Variants in CSMD1 observed in about 807,000 individuals in gnomAD.
CSMD1 encodes the protein CUB and sushi domain-containing protein 1.
Under a neutral mutation model 417.5 loss-of-function variants are expected in CSMD1, and 213 were observed. The observed-to-expected ratio is 0.51, with a 90% CI of 0.46 to 0.57. The LOEUF (loss-of-function observed/expected upper bound fraction) is 0.57, where lower values mean the gene tolerates loss of function less well. CSMD1 is among the 20% of genes least tolerant of loss of function. CSMD1 has a pLI of 0.00. For synonymous variants in CSMD1, 2,862 were observed against 1,736.8 expected, an observed-to-expected ratio of 1.65 and a Z score of -16.11; for missense variants, 6,923 against 4,529.7, an observed-to-expected ratio of 1.53 and a Z score of -15.17.
chr8:3,140,949 A>C (rs1045146033), intron 41 of CSMD1, among the ~76,000 whole-genome samples: 9 of 152,348 alleles, frequency 5.9e-5, no homozygotes, highest in African/African-American at 7.2e-5. Context: ...TTTTGTGGTG[A>C]AAGTTGAACA....
At chr8:4,908,071 T>A (rs960899689) in intron 1 of CSMD1, among the ~76,000 whole-genome samples, 2 of 152,174 alleles carry the variant, frequency 1.3e-5, no homozygotes, top group Admixed American at 1.3e-4. Flanking sequence ...TTTAAGGTGG[T>A]TTTCTTTCTC....
At chr8:4,318,780 A>AT (rs1409952533) in intron 3 of CSMD1, among the ~76,000 whole-genome samples, 4 of 151,550 alleles carry the variant, frequency 2.6e-5, no homozygotes, top group African/African-American at 9.7e-5. Context: ...ATATATTGGC[A>AT]TTGTATTTAC....
intron 1 of CSMD1, among the ~76,000 whole-genome samples, chr8:4,913,406 T>C (rs1045572950): frequency 3.3e-5 from 5 of 152,164 alleles, no homozygotes; most frequent in African/African-American, 9.7e-5. Flanking sequence ...TCCTAATTCC[T>C]AGTAAAGTGC....
At chr8:4,811,516 C>T (rs1192535129) in intron 1 of CSMD1, among the ~76,000 whole-genome samples, 1 of 152,012 alleles carries the variant, frequency 6.6e-6, no homozygotes, top group African/African-American at 2.4e-5. Context: ...CAATGTATTG[C>T]TGCCATAGAA....
At chr8:4,944,592 A>C (rs539082822) in intron 1 of CSMD1, among the ~76,000 whole-genome samples, 239 of 152,322 alleles carry the variant, frequency 1.6e-3, no homozygotes, top group Middle Eastern at 6.8e-3. Context: ...ACAAGAAATA[A>C]ATTGAAACAT....
chr8:3,243,332 C>T (rs1471716397), intron 26 of CSMD1, among the ~76,000 whole-genome samples: 1 of 152,140 alleles, frequency 6.6e-6, no homozygotes, highest in Non-Finnish European at 1.5e-5. Flanking sequence ...CACTCGCGTC[C>T]ATGTGAAGAC....
At position 3,169,416 on chromosome 8, in the gene CSMD1, C is replaced by CA. The variant is rs554850283; in HGVS notation, c.5726-7140dup. On this transcript the variant is annotated intron_variant, in intron 37 of 69. Transcript: ENST00000635120. ...GCTGCTAAGTGAAATAAGCCAGTATCAAAAAAAAGACAAATATTGTATGAT... is the reference window on the plus strand; with the variant it reads ...GCTGCTAAGTGAAATAAGCCAGTATCAAAAAAAAAGACAAATATTGTATGAT... Among the ~76,000 whole-genome samples, 46 of 149,202 alleles carry CA rather than the reference C, an allele frequency of 3.1e-4. 1 individual carries two copies. The South Asian group carries it at 5.7e-3, about 19-fold the overall frequency.
chr8:4,063,117 A>G (rs948579573), intron 3 of CSMD1, among the ~76,000 whole-genome samples: 1 of 152,196 alleles, frequency 6.6e-6, no homozygotes, highest in African/African-American at 2.4e-5. Flanking sequence ...GACTATAGCT[A>G]ATAATTTATT....
Position 3,998,072 on chromosome 8 carries a change from T to A in CSMD1, c.649A>T (p.Ser217Cys). 1 of 1,589,846 alleles carries A rather than the reference T, an allele frequency of 6.3e-7. No homozygotes were observed. Among genetic ancestry groups the A allele is most frequent in the Non-Finnish European group, 8.6e-7 (1 of 1,167,340 alleles). Residue 217 changes from serine to cysteine, a missense_variant, in exon 5 of 70, where the codon AGC (serine) becomes TGC (cysteine). Physicochemically the swap from Ser to Cys is moderately radical, Grantham distance 112. Transcript: ENST00000635120. ...ACGGTLRGTS[S>C]SISSPHFPSE... ...GGGAAGTGCGGGCTGGAGATGGAGCTGCTGGTCCCGCGTAAGGTTCCTCCG... is the reference window on the plus strand; with the variant it reads ...GGGAAGTGCGGGCTGGAGATGGAGCAGCTGGTCCCGCGTAAGGTTCCTCCG...
At chr8:3,479,605 G>A (rs1817620511) in intron 11 of CSMD1, among the ~76,000 whole-genome samples, 1 of 152,142 alleles carries the variant, frequency 6.6e-6, no homozygotes, top group Non-Finnish European at 1.5e-5. Context: ...TGGCATAAAT[G>A]CCATTACTTT....
At chr8:3,282,144 T>C (rs1156495105) in intron 26 of CSMD1, among the ~76,000 whole-genome samples, 4 of 152,098 alleles carry the variant, frequency 2.6e-5, no homozygotes, top group African/African-American at 9.7e-5. Flanking sequence ...TACAGCAATA[T>C]GAAGATGGAA....
chr8:3,825,602 T>C (rs1224511621), intron 5 of CSMD1, among the ~76,000 whole-genome samples: 1 of 152,058 alleles, frequency 6.6e-6, no homozygotes, highest in Non-Finnish European at 1.5e-5. Flanking sequence ...AAGGGATTAA[T>C]AGAAGAGTAC....
intron 2 of CSMD1, among the ~76,000 whole-genome samples, chr8:4,610,331 A>G (rs2725046): frequency 0.48 from 72,226 of 152,042 alleles, 18,226 homozygotes; most frequent in African/African-American, 0.65. Context: ...CAACATATCA[A>G]GCACTATTGT....
intron 23 of CSMD1, among the ~76,000 whole-genome samples, chr8:3,326,171 C>G (rs1199935366): frequency 6.6e-6 from 1 of 152,196 alleles, no homozygotes. Flanking sequence ...CATACACTGA[C>G]AGTTCCGTCT....
intron 1 of CSMD1, among the ~76,000 whole-genome samples, chr8:4,976,160 G>C (rs1810549765): frequency 6.6e-6 from 1 of 152,152 alleles, no homozygotes; most frequent in Non-Finnish European, 1.5e-5. Context: ...ATCCTAGAGG[G>C]AGCAGAGAGA....
intron 5 of CSMD1, among the ~76,000 whole-genome samples, chr8:3,975,274 G>T (rs902289004): frequency 1.3e-5 from 2 of 152,116 alleles, no homozygotes; most frequent in African/African-American, 4.8e-5. Flanking sequence ...GCTTGGGGTT[G>T]TTGCTATTTT....
chr8:4,470,494 G>C (rs577298781), intron 2 of CSMD1, among the ~76,000 whole-genome samples: 2 of 152,332 alleles, frequency 1.3e-5, no homozygotes, highest in African/African-American at 2.4e-5. Flanking sequence ...GGAAGGATAA[G>C]TGCATCAAAC....
chr8:3,070,556 C>G (rs1585273066), intron 49 of CSMD1, among the ~76,000 whole-genome samples: 1 of 152,168 alleles, frequency 6.6e-6, no homozygotes, highest in Non-Finnish European at 1.5e-5. Context: ...AAGATGCAGC[C>G]AAGCTCTTCA....
chr8:4,702,811 A>T (rs1219214564), intron 1 of CSMD1, among the ~76,000 whole-genome samples: 2 of 152,144 alleles, frequency 1.3e-5, no homozygotes, highest in Non-Finnish European at 2.9e-5. Flanking sequence ...TAATAGCGGG[A>T]TTCATCATAT....
Sources: gnomAD v4.1 joint callset for allele counts (sites outside exome capture counted in the v4.1 genomes callset) on GRCh38, gnomAD v4.1.1 for gene constraint, MANE v1.5 for transcripts, NCBI Gene and HGNC (gene_info 2026-07-23, HGNC 2026-07-21) for gene names.